Variants in ATP10A observed in about 807,000 individuals in gnomAD.
The protein encoded by ATP10A is ATPase phospholipid transporting 10A (putative), also known as phospholipid-transporting ATPase VA.
In ATP10A, 111 loss-of-function variants were observed where a neutral mutation model predicts 147.8. The observed-to-expected ratio is 0.75, with a 90% confidence interval of 0.64 to 0.88. The LOEUF (loss-of-function observed/expected upper bound fraction) is 0.88. Ranked by LOEUF, ATP10A falls within the 40% of genes least tolerant of loss-of-function variation. The pLI is 0.00. For synonymous variants in ATP10A, 875 were observed against 841.6 expected, an observed-to-expected ratio of 1.04 and a Z score of -0.69; for missense variants, 1,927 against 1,959.0, an observed-to-expected ratio of 0.98 and a Z score of 0.31.
At chr15:25,856,364 G>C (rs775541635) in intron 1 of ATP10A, among the ~76,000 whole-genome samples, 1 of 152,120 alleles carries the variant, frequency 6.6e-6, no homozygotes, top group East Asian at 1.9e-4. Context: ...TGTCATTATT[G>C]TAAGTTTCCT....
intron 3 of ATP10A, among the ~76,000 whole-genome samples, chr15:25,734,129 G>A (rs1887125792): frequency 6.6e-6 from 1 of 152,168 alleles, no homozygotes; most frequent in Non-Finnish European, 1.5e-5. Context: ...AGAGACAGTG[G>A]CTGAGCAATA....
chr15:25,793,896 C>T (rs965788940), intron 1 of ATP10A, among the ~76,000 whole-genome samples: 8 of 152,222 alleles, frequency 5.3e-5, no homozygotes, highest in African/African-American at 1.9e-4. Flanking sequence ...GTGGGACTCA[C>T]CCCAGGGTTC....
intron 3 of ATP10A, among the ~76,000 whole-genome samples, chr15:25,728,075 C>T (rs1035719363): frequency 6.6e-6 from 1 of 152,184 alleles, no homozygotes; most frequent in Non-Finnish European, 1.5e-5. Context: ...CCAGGCAGGG[C>T]CACCAAGGGA....
chr15:25,678,583 G>A (rs1269317504), downstream of ATP10A: 1 of 152,168 alleles, frequency 6.6e-6, no homozygotes, highest in Non-Finnish European at 1.5e-5. Context: ...AGCAGCTTTG[G>A]TATGTGCCAT....
At chr15:25,714,809 C>T (rs560702128) in intron 9 of ATP10A, among the ~76,000 whole-genome samples, 78 of 152,244 alleles carry the variant, frequency 5.1e-4, no homozygotes, top group African/African-American at 1.9e-3. Flanking sequence ...TTTATACTTC[C>T]TTTGAATTAT....
At chr15:25,860,016 G>A (rs950661151) in intron 1 of ATP10A, among the ~76,000 whole-genome samples, 2 of 152,160 alleles carry the variant, frequency 1.3e-5, no homozygotes, top group African/African-American at 4.8e-5. Flanking sequence ...GACCTAGACA[G>A]TTCACAGTCG....
At chr15:25,839,023 C>T (rs1338053190) in intron 1 of ATP10A, among the ~76,000 whole-genome samples, 1 of 152,116 alleles carries the variant, frequency 6.6e-6, no homozygotes, top group Non-Finnish European at 1.5e-5. Flanking sequence ...CTTTGGTGTC[C>T]ATTTCTCATA....
chr15:25,675,824 T>C (rs1899125526), downstream of ATP10A, among the ~76,000 whole-genome samples: 9 of 152,146 alleles, frequency 5.9e-5, no homozygotes, highest in South Asian at 1.9e-3. Context: ...CAGGTGCCTA[T>C]AGTCCCAGCT....
intron 17 of ATP10A, 64 bp downstream of exon 17, chr15:25,683,222 T>G: frequency 3.3e-6 from 5 of 1,505,578 alleles, no homozygotes; most frequent in Non-Finnish European, 4.6e-6. Context: ...ACTGGCACTT[T>G]GGAAGAGTGA....
At chr15:25,836,048 C>T (rs1892578603) in intron 1 of ATP10A, among the ~76,000 whole-genome samples, 2 of 152,176 alleles carry the variant, frequency 1.3e-5, no homozygotes, top group Admixed American at 6.5e-5. Flanking sequence ...CTCCTGACCT[C>T]GTGATCCGCC....
chr15:25,831,788 T>C (rs150866298), intron 1 of ATP10A, among the ~76,000 whole-genome samples: 15 of 152,286 alleles, frequency 9.8e-5, no homozygotes, highest in African/African-American at 2.4e-4. Context: ...CTGCTGTTAA[T>C]AACTCATTAT....
chr15:25,690,272 C>T (rs553512726), intron 15 of ATP10A, among the ~76,000 whole-genome samples: 1 of 148,528 alleles, frequency 6.7e-6, no homozygotes, highest in South Asian at 2.1e-4. Flanking sequence ...GAGACTGGGT[C>T]TCATTGTATT....
intron 1 of ATP10A, among the ~76,000 whole-genome samples, chr15:25,831,316 T>C (rs941294217): frequency 5.3e-5 from 8 of 152,192 alleles, no homozygotes; most frequent in African/African-American, 1.4e-4. Flanking sequence ...CTCTGTGTGT[T>C]TGTGCTACCT....
At chr15:25,796,404 CA>C (rs56079661) in intron 1 of ATP10A, among the ~76,000 whole-genome samples, 148,676 of 152,068 alleles carry the variant, frequency 0.98, 72,787 homozygotes, top group East Asian at 1. Flanking sequence ...GACCCTGTCT[CA>C]AAAAAAAAGT....
chr15:25,702,725 T>C (rs940820530), intron 12 of ATP10A, among the ~76,000 whole-genome samples: 1 of 151,936 alleles, frequency 6.6e-6, no homozygotes, highest in African/African-American at 2.4e-5. Flanking sequence ...TACTATTGAC[T>C]GCGGAAATGT....
chr15:25,707,940 C>T lies in ATP10A; in HGVS notation c.2575+36G>A, dbSNP rs376662344. 5.0e-6 allele frequency: 8 copies of T among 1,606,472 alleles called. No individual in the cohort carries two copies. In the African/African-American group the frequency reaches 1.1e-4, roughly 21 times the overall value. The stretch of plus-strand genomic sequence containing the variant: ...TCCAGGGCCGTCCCTGCAAACTCCA[C>T]ACTGCCCTTAGGCATGCGACTCTCA... On this transcript the variant is annotated intron_variant, in intron 12 of 20. Coordinates refer to ENST00000555815, the MANE Select transcript of ATP10A (RefSeq NM_024490.4).
intron 15 of ATP10A, among the ~76,000 whole-genome samples, chr15:25,691,430 C>A (rs976160363): frequency 1.3e-5 from 2 of 152,156 alleles, no homozygotes; most frequent in East Asian, 3.9e-4. Context: ...AGACAGAAGG[C>A]GATGACTCAC....
chr15:25,847,455 C>T (rs1408417920), intron 1 of ATP10A, among the ~76,000 whole-genome samples: 5 of 152,002 alleles, frequency 3.3e-5, no homozygotes, highest in African/African-American at 9.7e-5. Flanking sequence ...TAGAGAAATA[C>T]GTGAAGTTTT....
At position 25,679,884 on chromosome 15, in the gene ATP10A, A is replaced by C; in HGVS notation, c.3957T>G (p.Ser1319Arg). 1.2e-6 allele frequency: 2 copies of C among 1,610,504 alleles called. No homozygotes were observed. Among genetic ancestry groups the C allele is most frequent in the South Asian group, 1.1e-5 (1 of 91,074 alleles). The change falls in exon 21 of 21, where the codon AGT (serine) becomes AGG (arginine). Residue 1319 changes from serine (S) to arginine (R), a missense_variant. Physicochemically the swap from Ser to Arg is moderately radical, Grantham distance 110. Transcript: ENST00000555815. ...QLTRKSPRRC[S>R]APKETFAQGR... Reference sequence around the variant, plus strand: ...CCTGAGCAAAGGTCTCTTTGGGAGCACTGCATCTCCTGGGGGACTTCCTGG... The same window carrying C: ...CCTGAGCAAAGGTCTCTTTGGGAGCCCTGCATCTCCTGGGGGACTTCCTGG...
Sources: gnomAD v4.1 joint callset for allele counts (sites outside exome capture counted in the v4.1 genomes callset) on GRCh38, gnomAD v4.1.1 for gene constraint, MANE v1.5 for transcripts, NCBI Gene and HGNC (gene_info 2026-07-23, HGNC 2026-07-21) for gene names.